The following MAPT variants were observed in gnomAD, a reference collection of about 807,000 sequenced individuals.
MAPT encodes the protein microtubule-associated protein tau.
A neutral mutation model predicts 67.9 loss-of-function variants in MAPT; 34 were observed. The ratio of observed to expected loss-of-function variants is 0.50; its 90% CI spans 0.38 to 0.67. The LOEUF (loss-of-function observed/expected upper bound fraction) is 0.67. Ranked by LOEUF, MAPT falls within the 30% of genes least tolerant of loss-of-function variation. The probability of loss-of-function intolerance (pLI) is 0.00; values close to 1 mark genes in which losing one functional copy is unlikely to be tolerated. For synonymous variants in MAPT, 456 were observed against 464.5 expected, an observed-to-expected ratio of 0.98 and a Z score of 0.23; for missense variants, 881 against 1,115.2, an observed-to-expected ratio of 0.79 and a Z score of 2.99.
chr17:45,941,691 CTTCCTTCCTGCCTGCCTTCCTT>C (rs2067951102), intron 1 of MAPT, among the ~76,000 whole-genome samples: 10 of 75,852 alleles, frequency 1.3e-4, no homozygotes, highest in African/African-American at 5.8e-4. Flanking sequence ...TCCTTCCTTC[CTTCCTTCCTGCCTGCCTTCCTT>C]CCTTCCTTCC....
At chr17:45,962,590 A>G in intron 2 of MAPT, 120 bp downstream of exon 2, 1 of 1,321,534 alleles carries the variant, frequency 7.6e-7, no homozygotes, top group Non-Finnish European at 1.1e-6. Flanking sequence ...ACTGTCAGTA[A>G]AGTAAAGCCT....
intron 1 of MAPT, among the ~76,000 whole-genome samples, chr17:45,941,218 G>C (rs1052385171): frequency 2.0e-5 from 3 of 152,190 alleles, no homozygotes; most frequent in African/African-American, 7.2e-5. Context: ...ATTTAAGTTT[G>C]AGTCTCCTTT....
intron 1 of MAPT, among the ~76,000 whole-genome samples, chr17:45,946,615 A>AAAAATATAGATATATAT: frequency 1.0e-5 from 1 of 100,408 alleles, no homozygotes; most frequent in Non-Finnish European, 2.0e-5. Flanking sequence ...AAAAAAAAAA[A>AAAAATATAGATATATAT]ATATATATAT....
chr17:45,949,382 T>C (rs2068835194), intron 1 of MAPT, among the ~76,000 whole-genome samples: 1 of 152,344 alleles, frequency 6.6e-6, no homozygotes, highest in Admixed American at 6.5e-5. Context: ...GGGCTTCCCC[T>C]GAGCCCCTGG....
intron 1 of MAPT, among the ~76,000 whole-genome samples, chr17:45,944,593 C>T (rs1039903984): frequency 2.6e-4 from 40 of 152,132 alleles, no homozygotes; most frequent in Admixed American, 5.9e-4. Flanking sequence ...GGGCCCGGGT[C>T]GGGGTACAGG....
intron 1 of MAPT, among the ~76,000 whole-genome samples, chr17:45,958,139 A>G (rs750729578): frequency 2.4e-4 from 37 of 152,186 alleles, no homozygotes; most frequent in Non-Finnish European, 5.1e-4. Flanking sequence ...AAACCTAAAA[A>G]TATTCCAGAT....
intron 1 of MAPT, among the ~76,000 whole-genome samples, chr17:45,924,549 C>T (rs969635534): frequency 6.6e-6 from 1 of 152,224 alleles, no homozygotes; most frequent in African/African-American, 2.4e-5. Context: ...CCCTGGGGTG[C>T]CTGTGATGCC....
chr17:45,982,773 T>C, intron 4 of MAPT, 93 bp from the exon 5 acceptor site: 3 of 560,322 alleles, frequency 5.4e-6, no homozygotes, highest in Non-Finnish European at 7.0e-6. Flanking sequence ...TGGGATGCCC[T>C]CTCAGTGTCA....
In MAPT at chr17:45,983,011, C is replaced by A. The variant is rs1460680349; in HGVS notation, c.432C>A (p.Pro144=). 9 of 1,458,870 alleles carry A rather than the reference C, an allele frequency of 6.2e-6. No homozygotes were observed. The highest frequency in any genetic ancestry group is 1.4e-5 in the African/African-American group (1 of 70,294). 90.4% of individuals were successfully genotyped at this position (1,458,870 alleles called of 1,614,324 possible). The part of the protein sequence containing the change: ...PCLGEKEPEA[P]VPLTASLPQH... ...TCGGGGAGAAAGAGCCAGAAGCTCCCGTCCCGCTGACCGCGAGCCTTCCTC... is the reference window on the plus strand; with the variant it reads ...TCGGGGAGAAAGAGCCAGAAGCTCCAGTCCCGCTGACCGCGAGCCTTCCTC... The change falls in exon 5 of 13, where the codon CCC becomes CCA. Residue 144 remains proline, a synonymous_variant. Coordinates refer to ENST00000262410, the MANE Select transcript of MAPT (RefSeq NM_001377265.1).
At chr17:45,936,442 G>T (rs1419935201) in intron 1 of MAPT, among the ~76,000 whole-genome samples, 2 of 152,236 alleles carry the variant, frequency 1.3e-5, no homozygotes, top group East Asian at 3.9e-4. Context: ...GGACACTCAC[G>T]TAGCCTCCAA....
intron 11 of MAPT, among the ~76,000 whole-genome samples, chr17:46,015,015 A>C (rs1334126518): frequency 6.6e-6 from 1 of 152,182 alleles, no homozygotes; most frequent in Non-Finnish European, 1.5e-5. Flanking sequence ...AAAAAATAGA[A>C]TAAGACCTAG....
At chr17:46,013,610 G>A (rs569924317) in intron 10 of MAPT, among the ~76,000 whole-genome samples, 1 of 152,350 alleles carries the variant, frequency 6.6e-6, no homozygotes, top group East Asian at 1.9e-4. Context: ...TGAGTGTGCA[G>A]GTGCCTGCTG....
At chr17:46,006,234 A>G (rs1021553627) in intron 9 of MAPT, among the ~76,000 whole-genome samples, 1 of 152,248 alleles carries the variant, frequency 6.6e-6, no homozygotes, top group African/African-American at 2.4e-5. Context: ...TGGTGCATAT[A>G]CACAATGGAA....
chr17:46,002,746 C>T (rs1033831217), intron 9 of MAPT, among the ~76,000 whole-genome samples: 1 of 152,028 alleles, frequency 6.6e-6, no homozygotes, highest in African/African-American at 2.4e-5. Context: ...GGTTCTGGGC[C>T]GCAGCCTGGG....
At chr17:45,939,380 G>A (rs919722124) in intron 1 of MAPT, among the ~76,000 whole-genome samples, 2 of 152,208 alleles carry the variant, frequency 1.3e-5, no homozygotes, top group East Asian at 3.8e-4. Context: ...CATTGAACTT[G>A]ATATCTTATC....
At chr17:46,009,945 C>T (rs917366370) in intron 9 of MAPT, among the ~76,000 whole-genome samples, 5 of 152,176 alleles carry the variant, frequency 3.3e-5, no homozygotes, top group African/African-American at 4.8e-5. Flanking sequence ...TCAGTGTGGC[C>T]GAACACATTT....
intron 1 of MAPT, among the ~76,000 whole-genome samples, chr17:45,919,182 C>T (rs1413567125): frequency 6.6e-6 from 1 of 152,168 alleles, no homozygotes; most frequent in Non-Finnish European, 1.5e-5. Context: ...CTGACCCTGC[C>T]TGTTGCTGCA....
At chr17:45,994,301 T>C (rs1479345577) in intron 8 of MAPT, among the ~76,000 whole-genome samples, 1 of 151,970 alleles carries the variant, frequency 6.6e-6, no homozygotes, top group African/African-American at 2.4e-5. Flanking sequence ...CCACGACCAC[T>C]CTGTAAATAA....
chr17:45,991,111 A>G (rs1047682984), intron 7 of MAPT, among the ~76,000 whole-genome samples: 1 of 152,238 alleles, frequency 6.6e-6, no homozygotes, highest in Non-Finnish European at 1.5e-5. Context: ...ATGTCTGCAT[A>G]TGTGTAGTGC....
Sources: gnomAD v4.1 joint callset for allele counts (sites outside exome capture counted in the v4.1 genomes callset) on GRCh38, gnomAD v4.1.1 for gene constraint, MANE v1.5 for transcripts, NCBI Gene and HGNC (gene_info 2026-07-23, HGNC 2026-07-21) for gene names.